The following MREG variants were observed in gnomAD, a reference collection of about 807,000 sequenced individuals.
The protein encoded by MREG is dilute suppressor protein homolog.
MREG carries 31 observed loss-of-function variants against 28.5 expected under a neutral mutation model. The ratio of observed to expected loss-of-function variants is 1.09; its 90% CI spans 0.82 to 1.47. The LOEUF (loss-of-function observed/expected upper bound fraction) is 1.47, where lower values mean the gene tolerates loss of function less well. Ranked by LOEUF, MREG falls within the 40% of genes most tolerant of loss-of-function variation. The pLI, the probability that MREG is intolerant of heterozygous loss-of-function variation, is 0.00. For missense variants in MREG, 256 were observed against 257.4 expected (o/e 0.99, Z 0.04); for synonymous variants, 106 against 95.2 (o/e 1.11, Z -0.66).
intron 2 of MREG, among the ~76,000 whole-genome samples, chr2:215,960,100 T>G (rs917242553): frequency 1.8e-4 from 28 of 152,144 alleles, no homozygotes; most frequent in African/African-American, 6.3e-4. Context: ...GGACTACAGG[T>G]GCATGCCACC....
chr2:215,988,082 G>C lies in MREG; in HGVS notation c.255+8224C>G, dbSNP rs887281659. ...CAGTCGAGCCTGATTTTATTTCTTA[G>C]GCAAGAGGAAGAGGTTATTCCAAGA... On this transcript the variant is annotated intron_variant, in intron 2 of 4. Transcript: ENST00000263268. Among the ~76,000 whole-genome samples the C allele has an allele frequency of 7.9e-5, 12 of 152,178 alleles. No individual in the cohort carries two copies. The East Asian group carries it at 2.3e-3, about 29-fold the overall frequency.
chr2:215,966,365 C>G (rs940071523), intron 2 of MREG, among the ~76,000 whole-genome samples: 1 of 152,096 alleles, frequency 6.6e-6, no homozygotes, highest in Non-Finnish European at 1.5e-5. Flanking sequence ...TTTTTCATGA[C>G]CTACCCCAGT....
At chr2:216,023,283 G>C (rs562081725) in intron 1 of MREG, among the ~76,000 whole-genome samples, 1 of 152,294 alleles carries the variant, frequency 6.6e-6, no homozygotes, top group African/African-American at 2.4e-5. Context: ...TTGGAGATGG[G>C]GCTAAGGATC....
At chr2:216,020,148 C>G (rs1694500696) in intron 1 of MREG, among the ~76,000 whole-genome samples, 1 of 152,124 alleles carries the variant, frequency 6.6e-6, no homozygotes, top group Admixed American at 6.5e-5. Flanking sequence ...GTGTCCAACA[C>G]CTTTTTGTAT....
chr2:215,974,825 G>GACACACACAC (rs71982102), intron 2 of MREG, among the ~76,000 whole-genome samples: 59 of 126,604 alleles, frequency 4.7e-4, no homozygotes, highest in Non-Finnish European at 6.2e-4. Flanking sequence ...CACACACACA[G>GACACACACAC]ACACACACAC....
chr2:215,979,543 C>T (rs1693362270), intron 2 of MREG, among the ~76,000 whole-genome samples: 4 of 150,876 alleles, frequency 2.7e-5, no homozygotes, highest in African/African-American at 9.7e-5. Context: ...CAATTATCTG[C>T]CCTAAATTCA....
At chr2:216,023,682 G>A (rs1694557014) in intron 1 of MREG, among the ~76,000 whole-genome samples, 1 of 152,122 alleles carries the variant, frequency 6.6e-6, no homozygotes, top group Non-Finnish European at 1.5e-5. Context: ...CTGAGTGTGT[G>A]TGTGTGTTAG....
Position 215,952,345 on chromosome 2 carries a change from G to GCA in MREG, c.256-5234_256-5233dup, listed in dbSNP as rs149892551. 4.6e-5 allele frequency among the ~76,000 whole-genome samples: 7 copies of GCA among 151,668 alleles called. No individual in the cohort carries two copies. The South Asian group carries it at 8.3e-4, about 18-fold the overall frequency. On this transcript the variant is annotated intron_variant, in intron 2 of 4. Transcript: ENST00000263268. ...GTGTCGTTACTGCACACGTGAACGC[G>GCA]CACACACACACACAGACGGTAATGG... is the stretch of plus-strand genomic sequence containing the variant.
chr2:216,008,799 T>C (rs887698188), intron 1 of MREG, among the ~76,000 whole-genome samples: 2 of 152,154 alleles, frequency 1.3e-5, no homozygotes, highest in Non-Finnish European at 2.9e-5. Context: ...ATACAAAGCA[T>C]TTACAACAGT....
chr2:215,981,911 A>C (rs984229612), intron 2 of MREG, among the ~76,000 whole-genome samples: 3 of 152,118 alleles, frequency 2.0e-5, no homozygotes, highest in East Asian at 3.8e-4. Flanking sequence ...GTTCTTCACC[A>C]CCACACATCC....
At chr2:215,993,537 A>G (rs1559190587) in intron 2 of MREG, among the ~76,000 whole-genome samples, 1 of 152,238 alleles carries the variant, frequency 6.6e-6, no homozygotes, top group Non-Finnish European at 1.5e-5. Flanking sequence ...TAAAACACCA[A>G]AAACAATGGC....
chr2:215,975,146 T>C (rs546911787), intron 2 of MREG, among the ~76,000 whole-genome samples: 46 of 151,964 alleles, frequency 3.0e-4, no homozygotes, highest in African/African-American at 1.1e-3. Flanking sequence ...AATCTTATCA[T>C]TGTACATTAG....
At position 215,953,168 on chromosome 2, in the gene MREG, CA is replaced by C. The variant is rs1294492613; in HGVS notation, c.256-6056del. Among the ~76,000 whole-genome samples, 3 of 152,214 alleles carry C rather than the reference CA, an allele frequency of 2.0e-5. No homozygotes were observed. The East Asian group carries it at 5.8e-4, about 29-fold the overall frequency. ...ACCGGGGCAGCTAATATGTTTGCCA[CA>C]AGTAATATGATGTTTTCTTTGCCAA... On this transcript the variant is annotated intron_variant, in intron 2 of 4. Coordinates refer to ENST00000263268, the MANE Select transcript of MREG (RefSeq NM_018000.3).
In MREG at chr2:215,999,957, T is replaced by C. The variant is rs546643137; in HGVS notation, c.96-3492A>G. ...AATCAGAAGAATGGTCTTACGGGATTTGGAGAAGGAAGAGAATAGGTGAGT... is the reference window on the plus strand; with the variant it reads ...AATCAGAAGAATGGTCTTACGGGATCTGGAGAAGGAAGAGAATAGGTGAGT... On this transcript the variant is annotated intron_variant, in intron 1 of 4. Coordinates refer to ENST00000263268, the MANE Select transcript of MREG (RefSeq NM_018000.3). Among the ~76,000 whole-genome samples, 150 of 152,164 alleles carry C rather than the reference T, an allele frequency of 9.9e-4. 1 individual carries two copies. Among genetic ancestry groups the C allele is most frequent in the African/African-American group, 3.3e-3 (138 of 41,508 alleles).
rs1268461887 is a variant in MREG at position 215,975,026 on chromosome 2, A to ATATATATATATATATG, written c.255+21279_255+21280insCATATATATATATATA. On this transcript the variant is annotated intron_variant, in intron 2 of 4. Transcript: ENST00000263268. ...ATATGAATTATATATATATATATAT[A>ATATATATATATATATG]TGAAATAATACCTCTGAATTGTATT... is the stretch of plus-strand genomic sequence containing the variant. 4.7e-4 allele frequency among the ~76,000 whole-genome samples: 69 copies of ATATATATATATATATG among 145,692 alleles called. 1 individual carries two copies. Among genetic ancestry groups the ATATATATATATATATG allele is most frequent in the African/African-American group, 1.6e-3 (65 of 39,966 alleles).
chr2:215,975,460 T>C (rs1693230189), intron 2 of MREG, among the ~76,000 whole-genome samples: 1 of 152,208 alleles, frequency 6.6e-6, no homozygotes, highest in African/African-American at 2.4e-5. Context: ...TTGCAATATG[T>C]AGGCTATTCT....
At chr2:216,007,579 G>A (rs1291252063) in intron 1 of MREG, among the ~76,000 whole-genome samples, 1 of 151,932 alleles carries the variant, frequency 6.6e-6, no homozygotes, top group Non-Finnish European at 1.5e-5. Context: ...ACAGGCATGT[G>A]CCACCACGCC....
At chr2:215,946,787 G>A (rs1377095677) in intron 3 of MREG, among the ~76,000 whole-genome samples, 1 of 152,094 alleles carries the variant, frequency 6.6e-6, no homozygotes, top group Non-Finnish European at 1.5e-5. Context: ...CCTATACTAG[G>A]GACAGATGGA....
chr2:215,976,202 C>T (rs938007027), intron 2 of MREG, among the ~76,000 whole-genome samples: 5 of 152,158 alleles, frequency 3.3e-5, no homozygotes, highest in African/African-American at 7.2e-5. Context: ...GTGTTTCACT[C>T]GGACTACAAT....
Sources: allele counts gnomAD v4.1 joint callset (sites outside exome capture counted in the v4.1 genomes callset), GRCh38; gene constraint gnomAD v4.1.1; transcripts MANE v1.5; gene names NCBI Gene and HGNC (gene_info 2026-07-23, HGNC 2026-07-21).